Variants in ZNF385D observed in about 807,000 individuals in gnomAD.
The protein encoded by ZNF385D is zinc finger protein 385D.
Under a neutral mutation model 35.8 loss-of-function variants are expected in ZNF385D, and 15 were observed. The ratio of observed to expected loss-of-function variants is 0.42; its 90% CI spans 0.28 to 0.64. ZNF385D has a LOEUF of 0.64. ZNF385D is among the 30% of genes least tolerant of loss of function. The pLI, the probability that ZNF385D is intolerant of heterozygous loss-of-function variation, is 0.23. For missense variants in ZNF385D, 474 were observed against 494.6 expected, an observed-to-expected ratio of 0.96 and a Z score of 0.39; for synonymous variants, 212 against 186.8, an observed-to-expected ratio of 1.13 and a Z score of -1.10.
chr3:21,908,174 A>C (rs62236549), intron 3 of ZNF385D, among the ~76,000 whole-genome samples: 7 of 126,954 alleles, frequency 5.5e-5, no homozygotes, highest in Middle Eastern at 4.4e-3. Flanking sequence ...ATCTATCTAT[A>C]TATGTATAAA....
chr3:22,036,343 T>C (rs1447447374), intron 3 of ZNF385D, among the ~76,000 whole-genome samples: 1 of 152,170 alleles, frequency 6.6e-6, no homozygotes. Flanking sequence ...CAGAAAGATA[T>C]AACCAAGTTT....
intron 3 of ZNF385D, among the ~76,000 whole-genome samples, chr3:21,891,671 C>T (rs1698874485): frequency 6.6e-6 from 1 of 152,150 alleles, no homozygotes; most frequent in African/African-American, 2.4e-5. Context: ...AGTTAATATT[C>T]TAACACAAGT....
intron 3 of ZNF385D, among the ~76,000 whole-genome samples, chr3:21,869,251 C>G (rs1205400524): frequency 6.6e-6 from 1 of 152,084 alleles, no homozygotes; most frequent in Non-Finnish European, 1.5e-5. Flanking sequence ...GGCAGAGATA[C>G]AATGTCAAAT....
At chr3:21,632,022 A>G (rs61563394) in intron 2 of ZNF385D, among the ~76,000 whole-genome samples, 3,747 of 152,200 alleles carry the variant, frequency 0.025, 164 homozygotes, top group African/African-American at 0.086. Context: ...TCCAGTAAAG[A>G]TTTCCCTCAT....
chr3:22,175,275 C>T (rs957737898), intron 2 of ZNF385D, among the ~76,000 whole-genome samples: 2 of 151,824 alleles, frequency 1.3e-5, no homozygotes, highest in Admixed American at 6.6e-5. Flanking sequence ...TTAAAATCAC[C>T]TTTAAAAATG....
chr3:21,648,946 G>T (rs2065832608), intron 2 of ZNF385D, among the ~76,000 whole-genome samples: 1 of 152,110 alleles, frequency 6.6e-6, no homozygotes, highest in African/African-American at 2.4e-5. Context: ...TGAGAAAACT[G>T]AGGCACAGGG....
At chr3:21,979,059 C>T (rs970828356) in intron 3 of ZNF385D, among the ~76,000 whole-genome samples, 1 of 152,100 alleles carries the variant, frequency 6.6e-6, no homozygotes, top group Non-Finnish European at 1.5e-5. Flanking sequence ...ACACTTAGCA[C>T]AATAGAAAAT....
At chr3:21,527,772 T>C (rs1197745327) in intron 3 of ZNF385D, among the ~76,000 whole-genome samples, 1 of 146,962 alleles carries the variant, frequency 6.8e-6, no homozygotes, top group Non-Finnish European at 1.5e-5. Context: ...AAAAAAAAAC[T>C]ATTTCTTCTA....
intron 3 of ZNF385D, among the ~76,000 whole-genome samples, chr3:21,926,090 T>A (rs958488957): frequency 6.6e-6 from 1 of 151,874 alleles, no homozygotes; most frequent in East Asian, 1.9e-4. Flanking sequence ...GAACTAAACA[T>A]GCAATTAATG....
At chr3:21,435,858 A>G (rs1332036527) in intron 5 of ZNF385D, among the ~76,000 whole-genome samples, 1 of 152,114 alleles carries the variant, frequency 6.6e-6, no homozygotes, top group Non-Finnish European at 1.5e-5. Context: ...ATTACAACTA[A>G]CGTTATATGC....
intron 1 of ZNF385D, among the ~76,000 whole-genome samples, chr3:21,735,048 C>T (rs1410104409): frequency 6.6e-6 from 1 of 152,032 alleles, no homozygotes; most frequent in Non-Finnish European, 1.5e-5. Context: ...AATTTTAGGG[C>T]CGGGAGGGAT....
chr3:22,260,785 G>A (rs919474228), intron 2 of ZNF385D, among the ~76,000 whole-genome samples: 3 of 151,872 alleles, frequency 2.0e-5, no homozygotes, highest in African/African-American at 4.8e-5. Context: ...TTTAAACATG[G>A]AATATGATAT....
At chr3:21,511,772 G>C (rs1225518195) in intron 3 of ZNF385D, 3 of 456,332 alleles carry the variant, frequency 6.6e-6, no homozygotes, top group Non-Finnish European at 1.3e-5. Context: ...GATATATAGA[G>C]AGAGAGTTTA....
chr3:21,460,257 T>C (rs1192101930), intron 4 of ZNF385D, among the ~76,000 whole-genome samples: 3 of 152,164 alleles, frequency 2.0e-5, no homozygotes, highest in Admixed American at 2.0e-4. Flanking sequence ...CATGAATGAC[T>C]AACGTAAATT....
intron 2 of ZNF385D, among the ~76,000 whole-genome samples, chr3:21,662,322 C>G (rs1346479080): frequency 6.6e-6 from 1 of 152,122 alleles, no homozygotes; most frequent in Non-Finnish European, 1.5e-5. Context: ...ACTTGATGAT[C>G]AGAGGAAGTC....
At chr3:22,254,577 T>C (rs950131647) in intron 2 of ZNF385D, among the ~76,000 whole-genome samples, 2 of 151,862 alleles carry the variant, frequency 1.3e-5, no homozygotes, top group African/African-American at 4.8e-5. Context: ...CCCTTATCTA[T>C]ATTCCAAGGC....
At chr3:22,176,585 C>T (rs1403071213) in intron 2 of ZNF385D, among the ~76,000 whole-genome samples, 1 of 152,154 alleles carries the variant, frequency 6.6e-6, no homozygotes, top group Non-Finnish European at 1.5e-5. Flanking sequence ...GAAGTCTTAA[C>T]TGAATATTTG....
intron 3 of ZNF385D, among the ~76,000 whole-genome samples, chr3:22,090,887 T>C (rs1037947303): frequency 6.6e-6 from 1 of 152,194 alleles, no homozygotes; most frequent in Admixed American, 6.5e-5. Flanking sequence ...TGGAGATGCC[T>C]TGTTAGGGTC....
chr3:22,119,169 G>A (rs527308338), intron 3 of ZNF385D, among the ~76,000 whole-genome samples: 118 of 152,242 alleles, frequency 7.8e-4, no homozygotes, highest in Middle Eastern at 3.4e-3. Context: ...TTTGCCATTG[G>A]CACTGGCTTC....
Sources: gnomAD v4.1 joint callset for allele counts (sites outside exome capture counted in the v4.1 genomes callset) on GRCh38, gnomAD v4.1.1 for gene constraint, MANE v1.5 for transcripts, NCBI Gene and HGNC (gene_info 2026-07-23, HGNC 2026-07-21) for gene names.